VWA5A: variants seen among roughly 807,000 people sequenced by gnomAD.
VWA5A encodes the protein von Willebrand factor A domain-containing protein 5A.
In VWA5A, 77 loss-of-function variants were observed where a neutral mutation model predicts 84.6. The observed-to-expected ratio is 0.91, with a 90% CI of 0.76 to 1.10. The LOEUF (loss-of-function observed/expected upper bound fraction) is 1.10, where lower values mean the gene tolerates loss of function less well. VWA5A is among the 50% of genes least tolerant of loss of function. The pLI, the probability that VWA5A is intolerant of heterozygous loss-of-function variation, is 0.00. For missense variants in VWA5A, 973 were observed against 963.0 expected, an observed-to-expected ratio of 1.01 and a Z score of -0.14; for synonymous variants, 334 against 350.1, an observed-to-expected ratio of 0.95 and a Z score of 0.51.
At chr11:124,144,111 T>A (rs1349975111) in intron 17 of VWA5A, among the ~76,000 whole-genome samples, 1 of 151,890 alleles carries the variant, frequency 6.6e-6, no homozygotes, top group African/African-American at 2.4e-5. Context: ...ATGACAAAAC[T>A]GGGAGATAAA....
chr11:124,128,701 CG>C (rs1865054648), intron 11 of VWA5A, among the ~76,000 whole-genome samples: 1 of 152,112 alleles, frequency 6.6e-6, no homozygotes, highest in Non-Finnish European at 1.5e-5. Context: ...CCTTCACATC[CG>C]TTGTAAGTTG....
chr11:124,123,200 G>A, intron 8 of VWA5A, 71 bp downstream of exon 8: 2 of 1,558,324 alleles, frequency 1.3e-6, no homozygotes, highest in Non-Finnish European at 1.7e-6. Flanking sequence ...TTAAATAAGG[G>A]TCTATCTGGA....
chr11:124,127,342 G>A (rs1364442628), intron 11 of VWA5A, among the ~76,000 whole-genome samples: 1 of 152,290 alleles, frequency 6.6e-6, no homozygotes, highest in African/African-American at 2.4e-5. Flanking sequence ...CAAAGGACAT[G>A]AACTCATCCT....
intron 11 of VWA5A, chr11:124,124,705 G>A (rs1372332216): frequency 1.9e-5 from 6 of 321,474 alleles, no homozygotes; most frequent in East Asian, 1.7e-4. Flanking sequence ...TGGAATGGTC[G>A]TAGGCCTCTC....
intron 14 of VWA5A, 121 bp from the exon 15 acceptor site, chr11:124,136,894 T>G: frequency 7.2e-7 from 1 of 1,379,442 alleles, no homozygotes; most frequent in South Asian, 1.4e-5. Context: ...CACCCAAGTC[T>G]TCTCTCTCCC....
intron 2 of VWA5A, chr11:124,117,244 G>A: frequency 1.8e-6 from 1 of 557,356 alleles, no homozygotes; most frequent in Non-Finnish European, 3.2e-6. Context: ...ATTTGAACCA[G>A]CCTCAGGGTG....
Position 124,124,222 on chromosome 11 carries a change from T to C in VWA5A, c.1165-15T>C, listed in dbSNP as rs1864981750. On this transcript the variant is annotated splice_polypyrimidine_tract_variant and intron_variant, in intron 10 of 18. Transcript: ENST00000456829. ...CTTGACAAAGACCTGATGAACATTT[T>C]CTTTCTTTGTATAGCTTTTTGTCTT... is the stretch of plus-strand genomic sequence containing the variant. The C allele has an allele frequency of 6.2e-7, 1 of 1,610,750 alleles. No homozygotes were observed. Among genetic ancestry groups the C allele is most frequent in the Non-Finnish European group, 8.5e-7 (1 of 1,178,076 alleles).
In VWA5A at chr11:124,117,891, T is replaced by C; in HGVS notation, c.246+16T>C. 1 of 1,613,674 alleles carries C rather than the reference T, an allele frequency of 6.2e-7. No individual in the cohort carries two copies. Among genetic ancestry groups the C allele is most frequent in the Non-Finnish European group, 8.5e-7 (1 of 1,179,656 alleles). On this transcript the variant is annotated intron_variant, in intron 4 of 18. Coordinates refer to ENST00000456829, the MANE Select transcript of VWA5A (RefSeq NM_001130142.2). ...CAAGATGAAGGTAGTAGAGATTACCTCCTCCCTTCTTATTACATTACCTCC... is the reference window on the plus strand; with the variant it reads ...CAAGATGAAGGTAGTAGAGATTACCCCCTCCCTTCTTATTACATTACCTCC...
At chr11:124,139,469 A>G (rs1860684143) in intron 15 of VWA5A, among the ~76,000 whole-genome samples, 1 of 152,138 alleles carries the variant, frequency 6.6e-6, no homozygotes. Context: ...AATTTCCTTC[A>G]TCAATGTCTT....
At chr11:124,117,914 T>G (rs1864861445) in intron 4 of VWA5A, 39 bp downstream of exon 4, 1 of 1,605,486 alleles carries the variant, frequency 6.2e-7, no homozygotes, top group Non-Finnish European at 8.5e-7. Flanking sequence ...TTACATTACC[T>G]CCTCCCTTCT....
chr11:124,119,111 A>G (rs778736648), intron 7 of VWA5A, 22 bp downstream of exon 7: 6 of 1,600,186 alleles, frequency 3.7e-6, no homozygotes, highest in South Asian at 3.3e-5. Context: ...CTTCCTTTGT[A>G]GTCATCCCCT....
Position 124,124,277 on chromosome 11 carries a change from G to C in VWA5A, c.1205G>C (p.Ser402Thr). The change falls in exon 11 of 19, where the codon AGT (serine) becomes ACT (threonine). Residue 402 changes from serine to threonine, a missense_variant. Transcript: ENST00000456829. ...GATGGAGAAGTTACAGACACGTTTA[G>C]TGTAATTAAAGAAGTTAGGATCAAC... The part of the protein sequence containing the change: ...FTDGEVTDTF[S>T]VIKEVRINRQ... 6.2e-7 allele frequency: 1 copy of C among 1,614,022 alleles called. No homozygotes were observed. Among genetic ancestry groups the C allele is most frequent in the East Asian group, 2.2e-5 (1 of 44,872 alleles).
At chr11:124,139,565 ATTG>A (rs1417691396) in intron 15 of VWA5A, among the ~76,000 whole-genome samples, 33 of 152,008 alleles carry the variant, frequency 2.2e-4, no homozygotes. Flanking sequence ...TGCAAATGAG[ATTG>A]TTTTCTTGAT....
intron 15 of VWA5A, 99 bp from the exon 16 acceptor site, chr11:124,141,499 C>A: frequency 1.4e-6 from 2 of 1,471,724 alleles, no homozygotes; most frequent in Non-Finnish European, 1.8e-6. Flanking sequence ...GTGACTGAAG[C>A]CAGTGTGGAT....
At chr11:124,137,654 C>T (rs940303567) in intron 15 of VWA5A, among the ~76,000 whole-genome samples, 7 of 152,154 alleles carry the variant, frequency 4.6e-5, no homozygotes, top group African/African-American at 1.7e-4. Context: ...AGTTGTGCAA[C>T]CATTGATTGC....
Position 124,146,191 on chromosome 11 carries a change from C to A in VWA5A, c.*246C>A, listed in dbSNP as rs942364631. 3.6e-5 allele frequency: 13 copies of A among 362,834 alleles called. No homozygotes were observed. In the Admixed American group the frequency reaches 3.7e-4, roughly 10 times the overall value. The allele number at this position is 362,834 out of a possible 1,614,324, so 22.5% of individuals were successfully genotyped here. ...ACCTATTCCCTTTCTTGAGGGAGTT[C>A]AAAACATTCATAGGCAGTAATGTTC... is the stretch of plus-strand genomic sequence containing the variant. On this transcript the variant is annotated 3_prime_UTR_variant, in exon 19 of 19. Transcript: ENST00000456829.
intron 15 of VWA5A, among the ~76,000 whole-genome samples, chr11:124,138,112 G>A (rs1209911181): frequency 1.3e-5 from 2 of 152,098 alleles, no homozygotes; most frequent in Non-Finnish European, 2.9e-5. Context: ...TGTTCTCCAA[G>A]TTCATCTATG....
chr11:124,138,659 A>C (rs1860665049), intron 15 of VWA5A, among the ~76,000 whole-genome samples: 1 of 152,108 alleles, frequency 6.6e-6, no homozygotes, highest in Admixed American at 6.6e-5. Flanking sequence ...GTTTTGAGTT[A>C]AATTCCTTCT....
chr11:124,127,528 T>C (rs1404843270), intron 11 of VWA5A, among the ~76,000 whole-genome samples: 2 of 152,152 alleles, frequency 1.3e-5, no homozygotes, highest in Non-Finnish European at 2.9e-5. Context: ...TGGGTATATA[T>C]CCAGTAATGG....
Sources: allele counts gnomAD v4.1 joint callset (sites outside exome capture counted in the v4.1 genomes callset), GRCh38; gene constraint gnomAD v4.1.1; transcripts MANE v1.5; gene names NCBI Gene and HGNC (gene_info 2026-07-23, HGNC 2026-07-21).